The following FAM83B variants were observed in gnomAD, a reference collection of about 807,000 sequenced individuals.
FAM83B encodes scaffolding CK1 anchoring protein B.
A neutral mutation model predicts 38.8 loss-of-function variants in FAM83B; 26 were observed. The observed-to-expected ratio is 0.67, with a 90% CI of 0.49 to 0.93. The LOEUF is 0.93. FAM83B is among the 40% of genes least tolerant of loss of function. The pLI is 0.00. For synonymous variants in FAM83B, 419 were observed against 423.1 expected, an observed-to-expected ratio of 0.99 and a Z score of 0.12; for missense variants, 1,237 against 1,197.3, an observed-to-expected ratio of 1.03 and a Z score of -0.49.
intron 1 of FAM83B, among the ~76,000 whole-genome samples, chr6:54,852,137 G>A (rs992725364): frequency 2.0e-5 from 3 of 152,134 alleles, no homozygotes; most frequent in Admixed American, 1.3e-4. Flanking sequence ...CTCTACTTTG[G>A]TATTCTAAAA....
chr6:54,937,846 A>G (rs1773557576), intron 4 of FAM83B, among the ~76,000 whole-genome samples: 1 of 152,134 alleles, frequency 6.6e-6, no homozygotes, highest in Non-Finnish European at 1.5e-5. Context: ...GATGTAAAAT[A>G]CACAGCAAAT....
At chr6:54,857,168 C>T (rs561510755) in intron 1 of FAM83B, among the ~76,000 whole-genome samples, 1 of 152,268 alleles carries the variant, frequency 6.6e-6, no homozygotes, top group Non-Finnish European at 1.5e-5. Context: ...AGGCACACTA[C>T]CCTTGTTAAA....
chr6:54,893,071 A>G (rs1411101474), intron 2 of FAM83B, among the ~76,000 whole-genome samples: 1 of 151,870 alleles, frequency 6.6e-6, no homozygotes, highest in African/African-American at 2.4e-5. Flanking sequence ...GGAAACAGAT[A>G]CTCTTTCCCA....
intron 4 of FAM83B, among the ~76,000 whole-genome samples, chr6:54,935,064 A>C (rs1773499059): frequency 6.6e-6 from 1 of 152,192 alleles, no homozygotes; most frequent in African/African-American, 2.4e-5. Context: ...ATAAACCTGC[A>C]TGATAATCCA....
rs1773720349 is a variant in FAM83B at position 54,942,157 on chromosome 6, T to G, written c.*150T>G. ...GTGTCCTAGTATAAAGTTATTTTTC[T>G]GTGTGATAAAGTTAGGGTCTGCTGT... On this transcript the variant is annotated 3_prime_UTR_variant, in exon 5 of 5. Transcript: ENST00000306858. 2 of 790,510 alleles carry G rather than the reference T, an allele frequency of 2.5e-6. No homozygotes were observed. The highest frequency in any genetic ancestry group is 5.5e-5 in the East Asian group (2 of 36,050). 49.0% of individuals were successfully genotyped at this position (790,510 alleles called of 1,614,324 possible).
At chr6:54,884,909 AC>A (rs1349021064) in intron 2 of FAM83B, among the ~76,000 whole-genome samples, 1 of 151,802 alleles carries the variant, frequency 6.6e-6, no homozygotes, top group Non-Finnish European at 1.5e-5. Context: ...AGTAGCTGGG[AC>A]TACAGGCGCC....
intron 2 of FAM83B, among the ~76,000 whole-genome samples, chr6:54,879,372 T>C (rs1394618578): frequency 2.0e-5 from 3 of 152,170 alleles, no homozygotes; most frequent in Non-Finnish European, 4.4e-5. Flanking sequence ...CAGGAGATTA[T>C]CTACCCTGCT....
intron 2 of FAM83B, among the ~76,000 whole-genome samples, chr6:54,884,963 G>A (rs1302060889): frequency 6.6e-6 from 1 of 151,890 alleles, no homozygotes; most frequent in Non-Finnish European, 1.5e-5. Context: ...TAGTAGAGAC[G>A]GGGTTTCACT....
chr6:54,871,771 A>G (rs909460153), intron 2 of FAM83B, among the ~76,000 whole-genome samples: 1 of 146,026 alleles, frequency 6.8e-6, no homozygotes, highest in African/African-American at 2.5e-5. Flanking sequence ...AAAAAAAAAA[A>G]GTATAGGCAA....
chr6:54,884,880 C>T (rs1398380112), intron 2 of FAM83B, among the ~76,000 whole-genome samples: 1 of 151,470 alleles, frequency 6.6e-6, no homozygotes, highest in African/African-American at 2.4e-5. Flanking sequence ...TCACGCCATT[C>T]TCCTGCCTCA....
intron 1 of FAM83B, among the ~76,000 whole-genome samples, chr6:54,862,691 A>G (rs1771613251): frequency 6.6e-6 from 1 of 152,254 alleles, no homozygotes; most frequent in Admixed American, 6.5e-5. Flanking sequence ...AGCCTGGGCA[A>G]CATGGTGAAA....
intron 1 of FAM83B, among the ~76,000 whole-genome samples, chr6:54,858,700 AT>A (rs1200296185): frequency 6.6e-6 from 1 of 152,112 alleles, no homozygotes; most frequent in Non-Finnish European, 1.5e-5. Flanking sequence ...TTAGTAATTT[AT>A]TTTTTTATGA....
At chr6:54,850,880 G>A (rs1460479335) in intron 1 of FAM83B, among the ~76,000 whole-genome samples, 3 of 151,838 alleles carry the variant, frequency 2.0e-5, no homozygotes, top group African/African-American at 4.8e-5. Context: ...TTGGCCAGGC[G>A]TGGTGGCGGG....
chr6:54,912,961 C>T (rs1345024272), intron 2 of FAM83B, among the ~76,000 whole-genome samples: 1 of 151,936 alleles, frequency 6.6e-6, no homozygotes, highest in Admixed American at 6.6e-5. Context: ...TGCTACTTTA[C>T]CAGTTTATGA....
chr6:54,914,398 G>A (rs994417043), intron 2 of FAM83B, among the ~76,000 whole-genome samples: 1 of 152,002 alleles, frequency 6.6e-6, no homozygotes, highest in East Asian at 1.9e-4. Flanking sequence ...TCACCCTAGA[G>A]GTCACTTTTC....
intron 2 of FAM83B, among the ~76,000 whole-genome samples, chr6:54,913,654 G>GA (rs201695692): frequency 1.5e-3 from 223 of 149,102 alleles, no homozygotes; most frequent in African/African-American, 4.0e-3. Flanking sequence ...GATAAAAATA[G>GA]AAAAAAAAAC....
chr6:54,865,480 C>T (rs933628930), intron 1 of FAM83B, among the ~76,000 whole-genome samples: 6 of 152,126 alleles, frequency 3.9e-5, no homozygotes, highest in South Asian at 2.1e-4. Context: ...TCACATTCAC[C>T]GGTAATGCAG....
In FAM83B at chr6:54,908,131, GA is replaced by G. The variant is rs200867108; in HGVS notation, c.445-18222del. 9.1e-3 allele frequency among the ~76,000 whole-genome samples: 1,264 copies of G among 138,916 alleles called. 8 individuals are homozygous for G. The highest frequency in any genetic ancestry group is 0.019 in the African/African-American group (720 of 38,628). The allele number at this position is 138,916 out of a possible 152,430, so 91.1% of individuals were successfully genotyped here. A position where few individuals can be genotyped will look rare whatever the true frequency, so the allele number is the denominator to read the frequency against. On this transcript the variant is annotated intron_variant, in intron 2 of 4. Transcript: ENST00000306858. ...ATTTCTGCCTTCTTGGGATTTCATG[GA>G]AAAAAAAAAAAAAAAAAGTCTAGCA... is the stretch of plus-strand genomic sequence containing the variant.
At chr6:54,897,540 GA>G (rs1461462353) in intron 2 of FAM83B, among the ~76,000 whole-genome samples, 1 of 151,894 alleles carries the variant, frequency 6.6e-6, no homozygotes, top group African/African-American at 2.4e-5. Flanking sequence ...CAGATGTCTG[GA>G]AAAAAGCAAA....
Sources: gnomAD v4.1 joint callset for allele counts (sites outside exome capture counted in the v4.1 genomes callset) on GRCh38, gnomAD v4.1.1 for gene constraint, MANE v1.5 for transcripts, NCBI Gene and HGNC (gene_info 2026-07-23, HGNC 2026-07-21) for gene names.